SEMA4D: variants seen among roughly 807,000 people sequenced by gnomAD.
The protein encoded by SEMA4D is semaphorin 4D.
A neutral mutation model predicts 74.8 loss-of-function variants in SEMA4D; 22 were observed. The ratio of observed to expected loss-of-function variants is 0.29; its 90% CI spans 0.21 to 0.42. The LOEUF (loss-of-function observed/expected upper bound fraction) is 0.42, where lower values mean the gene tolerates loss of function less well. SEMA4D is among the 10% of genes least tolerant of loss of function. SEMA4D has a pLI of 1.00. For missense variants in SEMA4D, 937 were observed against 1,118.4 expected, an observed-to-expected ratio of 0.84 and a Z score of 2.31; for synonymous variants, 445 against 463.7, an observed-to-expected ratio of 0.96 and a Z score of 0.52.
chr9:89,444,809 G>A (rs1038951476), intron 2 of SEMA4D, among the ~76,000 whole-genome samples: 1 of 151,938 alleles, frequency 6.6e-6, no homozygotes, highest in Non-Finnish European at 1.5e-5. Flanking sequence ...GAGTTAATCT[G>A]GACAGCAAAT....
At chr9:89,379,714 C>G (rs1836572477) in intron 15 of SEMA4D, 85 bp from the exon 16 acceptor site, 3 of 1,442,660 alleles carry the variant, frequency 2.1e-6, no homozygotes, top group African/African-American at 1.4e-5. Context: ...CAAGATGACG[C>G]AAGAGTTTCA....
chr9:89,395,565 A>G (rs866979899), intron 6 of SEMA4D, among the ~76,000 whole-genome samples: 1 of 152,360 alleles, frequency 6.6e-6, no homozygotes, highest in Admixed American at 6.5e-5. Flanking sequence ...TTAGCCAGAA[A>G]AATCCTTTGT....
intron 2 of SEMA4D, among the ~76,000 whole-genome samples, chr9:89,444,477 G>A (rs564544263): frequency 3.3e-5 from 5 of 152,328 alleles, no homozygotes; most frequent in South Asian, 2.1e-4. Flanking sequence ...GCAGGCCAGC[G>A]AGTGGGATGG....
intron 6 of SEMA4D, among the ~76,000 whole-genome samples, chr9:89,394,869 G>A (rs542765320): frequency 1.3e-5 from 2 of 152,338 alleles, no homozygotes; most frequent in African/African-American, 4.8e-5. Context: ...GGGAATGATT[G>A]AACGTTTTCT....
chr9:89,423,893 ACCT>A lies in SEMA4D; in HGVS notation c.-243-18197_-243-18195del, dbSNP rs529492455. ...CCCCTCCCTCAGCTATTCCCTCAGC[ACCT>A]CCTCTCCCTCCACTACTCCCTCAGT... On this transcript the variant is annotated intron_variant, in intron 2 of 15. Coordinates refer to ENST00000422704, the MANE Select transcript of SEMA4D (RefSeq NM_001371194.2). 1.1e-4 allele frequency among the ~76,000 whole-genome samples: 13 copies of A among 113,136 alleles called. No homozygotes were observed. In the East Asian group the frequency reaches 3.3e-3, roughly 28 times the overall value. The allele number at this position is 113,136 out of a possible 152,430, so 74.2% of individuals were successfully genotyped here.
Position 89,396,939 on chromosome 9 carries a change from C to T in SEMA4D, c.316-104G>A, listed in dbSNP as rs180823694. 7.2e-5 allele frequency: 73 copies of T among 1,018,636 alleles called. 1 individual carries two copies. In the African/African-American group the frequency reaches 1.1e-3, roughly 15 times the overall value. 63.1% of individuals were successfully genotyped at this position (1,018,636 alleles called of 1,614,324 possible). ...TCTCAGGGGCACAGACCCACATTCA[C>T]CAACACCAGCTCACAGGTGGCCCCA... On this transcript the variant is annotated intron_variant, in intron 5 of 15. Coordinates refer to ENST00000422704, the MANE Select transcript of SEMA4D (RefSeq NM_001371194.2).
Position 89,381,300 on chromosome 9 carries a change from G to A in SEMA4D, c.1493C>T (p.Ala498Val), listed in dbSNP as rs1043509145. The part of the protein sequence containing the change: ...YAGSNSGVVQ[A>V]PLAFCGKHGT... ...GTGCTTCCCACAGAAGGCCAGCGGG[G>A]CCTGGACCACGCCCGAGTTAGAGCC... Residue 498 changes from alanine to valine, a missense_variant, in exon 14 of 16, where the codon GCC becomes GTC. Physicochemically the swap from Ala to Val is moderately conservative, Grantham distance 64 (BLOSUM62 0). Coordinates refer to ENST00000422704, the MANE Select transcript of SEMA4D (RefSeq NM_001371194.2). The surrounding 1 kb of genome is among the most constrained non-coding windows in gnomAD (Gnocchi z 4.6). The A allele has an allele frequency of 1.9e-6, 3 of 1,558,104 alleles. No homozygotes were observed. Among genetic ancestry groups the A allele is most frequent in the South Asian group, 2.3e-5 (2 of 85,378 alleles).
At chr9:89,419,857 G>A (rs774365325) in intron 2 of SEMA4D, among the ~76,000 whole-genome samples, 48 of 152,050 alleles carry the variant, frequency 3.2e-4, no homozygotes, top group Non-Finnish European at 4.9e-4. Context: ...GTGGAGGTTG[G>A]AGTGAGCCAA....
intron 1 of SEMA4D, among the ~76,000 whole-genome samples, chr9:89,483,197 A>G (rs1047280892): frequency 1.3e-5 from 2 of 152,238 alleles, no homozygotes; most frequent in Non-Finnish European, 2.9e-5. Flanking sequence ...TCCAGGACGC[A>G]GCCGCTGCTT....
chr9:89,495,782 C>T (rs900595058), intron 1 of SEMA4D, among the ~76,000 whole-genome samples: 5 of 152,166 alleles, frequency 3.3e-5, no homozygotes, highest in Admixed American at 6.5e-5. Context: ...AATCTGCAAC[C>T]ACCCTCCTGG....
intron 2 of SEMA4D, among the ~76,000 whole-genome samples, chr9:89,455,577 C>T: frequency 6.6e-6 from 1 of 152,190 alleles, no homozygotes; most frequent in East Asian, 1.9e-4. Flanking sequence ...GGTGCTGAGG[C>T]TGGGTACTGG....
At position 89,379,355 on chromosome 9, in the gene SEMA4D, C is replaced by T; in HGVS notation, c.1938G>A (p.Val646=). Residue 646 remains valine, a synonymous_variant, in exon 16 of 16, where the codon GTG becomes GTA. Transcript: ENST00000422704. ...CCACTACGGGCTTTGGAACCACCTTCACTTCCAGGACGTGCTTGGCGACCA... is the reference window on the plus strand; with the variant it reads ...CCACTACGGGCTTTGGAACCACCTTTACTTCCAGGACGTGCTTGGCGACCA... ...FQVVAKHVLE[V]KVVPKPVVAP... is the part of the protein sequence containing the mutation. 1 of 1,614,212 alleles carries T rather than the reference C, an allele frequency of 6.2e-7. No homozygotes were observed. The highest frequency in any genetic ancestry group is 1.7e-5 in the Admixed American group (1 of 60,032).
At chr9:89,419,536 A>T (rs957570722) in intron 2 of SEMA4D, among the ~76,000 whole-genome samples, 1 of 152,240 alleles carries the variant, frequency 6.6e-6, no homozygotes, top group Non-Finnish European at 1.5e-5. Context: ...GACTGTGCCA[A>T]AAAACAGTTG....
intron 1 of SEMA4D, chr9:89,497,381 G>C (rs1189961241): frequency 3.9e-5 from 6 of 152,346 alleles, no homozygotes; most frequent in Admixed American, 1.3e-4. Context: ...CCACCTGTCT[G>C]AGTGCGCGGC....
intron 12 of SEMA4D, 47 bp downstream of exon 12, chr9:89,387,339 C>T (rs1432372623): frequency 6.8e-7 from 1 of 1,473,912 alleles, no homozygotes; most frequent in Non-Finnish European, 9.4e-7. Context: ...TACCAGAGGA[C>T]ACAGATGTGC....
At position 89,390,727 on chromosome 9, in the gene SEMA4D, C is replaced by T. The variant is rs533743840; in HGVS notation, c.774+537G>A. 3.9e-5 allele frequency among the ~76,000 whole-genome samples: 6 copies of T among 152,302 alleles called. No individual in the cohort carries two copies. The East Asian group carries it at 9.7e-4, about 25-fold the overall frequency. On this transcript the variant is annotated intron_variant, in intron 9 of 15. Coordinates refer to ENST00000422704, the MANE Select transcript of SEMA4D (RefSeq NM_001371194.2). Reference sequence around the variant, plus strand: ...AGCTCCCCTGAGGCCTGACAATCCACCTCCTGGAAACTGCCACTGAGCAAC... The same window carrying T: ...AGCTCCCCTGAGGCCTGACAATCCATCTCCTGGAAACTGCCACTGAGCAAC...
chr9:89,447,565 T>G (rs190415458), intron 2 of SEMA4D, among the ~76,000 whole-genome samples: 593 of 151,982 alleles, frequency 3.9e-3, no homozygotes, highest in Non-Finnish European at 4.8e-3. Context: ...CACCTTCAAA[T>G]AAGCGCTGAA....
intron 2 of SEMA4D, chr9:89,449,416 A>G: frequency 1.8e-6 from 1 of 542,740 alleles, no homozygotes; most frequent in East Asian, 3.5e-5. Flanking sequence ...TGCTCTTAGA[A>G]GTCACGCTAA....
intron 6 of SEMA4D, among the ~76,000 whole-genome samples, chr9:89,395,660 T>G (rs992488679): frequency 1.3e-5 from 2 of 152,086 alleles, no homozygotes; most frequent in Non-Finnish European, 2.9e-5. Flanking sequence ...GGTCTTACTA[T>G]CCCCAAAGCA....
Sources: allele counts gnomAD v4.1 joint callset (sites outside exome capture counted in the v4.1 genomes callset), GRCh38; gene constraint gnomAD v4.1.1; non-coding constraint Gnocchi (gnomAD v3.1); transcripts MANE v1.5; gene names NCBI Gene and HGNC (gene_info 2026-07-23, HGNC 2026-07-21).